EPB41L4A: variants seen among roughly 807,000 people sequenced by gnomAD.
The protein encoded by EPB41L4A is band 4.1-like protein 4A.
A neutral mutation model predicts 108.6 loss-of-function variants in EPB41L4A; 100 were observed. That is an observed-to-expected ratio of 0.92 (90% CI 0.78 to 1.09). The LOEUF is 1.09. Ranked by LOEUF, EPB41L4A falls within the 50% of genes least tolerant of loss-of-function variation. EPB41L4A has a pLI of 0.00. For synonymous variants in EPB41L4A, 319 were observed against 289.0 expected, an observed-to-expected ratio of 1.10 and a Z score of -1.05; for missense variants, 1,030 against 842.7, an observed-to-expected ratio of 1.22 and a Z score of -2.75.
chr5:112,282,102 G>A (rs781077486), intron 2 of EPB41L4A, among the ~76,000 whole-genome samples: 5 of 152,164 alleles, frequency 3.3e-5, no homozygotes, highest in African/African-American at 4.8e-5. Context: ...TGTATTTGAG[G>A]CAGAGGATGT....
intron 1 of EPB41L4A, among the ~76,000 whole-genome samples, chr5:112,351,015 A>G (rs1758008539): frequency 6.6e-6 from 1 of 152,164 alleles, no homozygotes; most frequent in South Asian, 2.1e-4. Context: ...GCTAGATCAT[A>G]TGGTAGTTCT....
chr5:112,415,803 T>C (rs1490054366), intron 1 of EPB41L4A, among the ~76,000 whole-genome samples: 1 of 152,060 alleles, frequency 6.6e-6, no homozygotes, highest in Non-Finnish European at 1.5e-5. Flanking sequence ...AACCAATAGC[T>C]CTCAGCTTAT....
chr5:112,229,610 C>T (rs995979940), intron 12 of EPB41L4A, among the ~76,000 whole-genome samples: 11 of 152,010 alleles, frequency 7.2e-5, no homozygotes, highest in Admixed American at 5.9e-4. Flanking sequence ...ATTCTTATGC[C>T]TTTGTGTCCT....
intron 1 of EPB41L4A, among the ~76,000 whole-genome samples, chr5:112,314,811 C>T (rs1205078735): frequency 6.6e-6 from 1 of 151,818 alleles, no homozygotes; most frequent in Non-Finnish European, 1.5e-5. Flanking sequence ...AAGAAAAAGA[C>T]ATGCAAATGA....
At chr5:112,342,748 C>A (rs1757396678) in intron 1 of EPB41L4A, among the ~76,000 whole-genome samples, 1 of 152,160 alleles carries the variant, frequency 6.6e-6, no homozygotes. Context: ...TCGTAGGTCA[C>A]TTTTATGCTG....
intron 1 of EPB41L4A, among the ~76,000 whole-genome samples, chr5:112,398,203 A>G (rs1449626160): frequency 6.6e-6 from 1 of 152,208 alleles, no homozygotes; most frequent in South Asian, 2.1e-4. Flanking sequence ...ATCATTCAAT[A>G]TATTAAAAAA....
chr5:112,379,134 G>T (rs1278494310), intron 1 of EPB41L4A, among the ~76,000 whole-genome samples: 2 of 152,120 alleles, frequency 1.3e-5, no homozygotes, highest in Non-Finnish European at 2.9e-5. Context: ...ACCCTGGGGG[G>T]GTCAAGCTAG....
At chr5:112,312,781 T>C (rs1183561634) in intron 1 of EPB41L4A, among the ~76,000 whole-genome samples, 3 of 152,192 alleles carry the variant, frequency 2.0e-5, no homozygotes, top group African/African-American at 4.8e-5. Context: ...CCTGCCCTTA[T>C]ACACATGGAT....
At chr5:112,281,896 G>A (rs1752987121) in intron 2 of EPB41L4A, among the ~76,000 whole-genome samples, 1 of 151,910 alleles carries the variant, frequency 6.6e-6, no homozygotes, top group Admixed American at 6.5e-5. Context: ...CTCTATTCAT[G>A]CATATATAAG....
At chr5:112,328,317 T>G (rs1561575704) in intron 1 of EPB41L4A, among the ~76,000 whole-genome samples, 1 of 151,912 alleles carries the variant, frequency 6.6e-6, no homozygotes, top group African/African-American at 2.4e-5. Flanking sequence ...ACAAAAAAAA[T>G]AAAAAATCTT....
chr5:112,298,995 C>A (rs908493749), intron 2 of EPB41L4A, among the ~76,000 whole-genome samples: 3 of 152,050 alleles, frequency 2.0e-5, no homozygotes, highest in Non-Finnish European at 2.9e-5. Flanking sequence ...TTGTAATATC[C>A]CCCATTTCAT....
chr5:112,396,147 T>C (rs1378896231), intron 1 of EPB41L4A, among the ~76,000 whole-genome samples: 1 of 152,026 alleles, frequency 6.6e-6, no homozygotes, highest in East Asian at 1.9e-4. Context: ...ATACCTAATG[T>C]AAATGACGAG....
chr5:112,169,462 A>C (rs1760449052), intron 20 of EPB41L4A, among the ~76,000 whole-genome samples: 1 of 152,180 alleles, frequency 6.6e-6, no homozygotes, highest in African/African-American at 2.4e-5. Flanking sequence ...TAATGGAAAA[A>C]GTTGGTCCGC....
At chr5:112,274,338 A>G (rs1277484748) in intron 4 of EPB41L4A, among the ~76,000 whole-genome samples, 1 of 152,172 alleles carries the variant, frequency 6.6e-6, no homozygotes, top group African/African-American at 2.4e-5. Context: ...TCAATCAATC[A>G]TTAGAGTTCA....
At chr5:112,244,080 T>C (rs1750021497) in intron 9 of EPB41L4A, among the ~76,000 whole-genome samples, 1 of 152,150 alleles carries the variant, frequency 6.6e-6, no homozygotes, top group Admixed American at 6.5e-5. Context: ...ATTTCTAGCA[T>C]TTGATTTCAA....
intron 1 of EPB41L4A, among the ~76,000 whole-genome samples, chr5:112,398,934 A>C (rs1439263079): frequency 6.6e-6 from 1 of 151,738 alleles, no homozygotes; most frequent in Non-Finnish European, 1.5e-5. Flanking sequence ...ATCCTAGAAA[A>C]AAAAAAAAAA....
At chr5:112,210,448 C>A (rs376462123) in intron 12 of EPB41L4A, among the ~76,000 whole-genome samples, 1 of 151,394 alleles carries the variant, frequency 6.6e-6, no homozygotes, top group East Asian at 1.9e-4. Flanking sequence ...ATGCAGCTGT[C>A]AAAAAAAGAG....
Position 112,348,717 on chromosome 5 carries a change from T to A in EPB41L4A, c.100-41227A>T, listed in dbSNP as rs561134725. Among the ~76,000 whole-genome samples, 12 of 152,312 alleles carry A rather than the reference T, an allele frequency of 7.9e-5. No homozygotes were observed. In the South Asian group the frequency reaches 2.5e-3, roughly 32 times the overall value. On this transcript the variant is annotated intron_variant, in intron 1 of 22. Transcript: ENST00000261486. ...CCTCAACAGTAAACTCCCAAATATC[T>A]GTTAGGGATTCCATATGTCCACTCA...
chr5:112,403,822 A>G (rs1761930057), intron 1 of EPB41L4A, among the ~76,000 whole-genome samples: 2 of 152,146 alleles, frequency 1.3e-5, no homozygotes, highest in Admixed American at 1.3e-4. Context: ...AAGTAAATTA[A>G]ATGTACCTCT....
Sources: allele counts gnomAD v4.1 joint callset (sites outside exome capture counted in the v4.1 genomes callset), GRCh38; gene constraint gnomAD v4.1.1; transcripts MANE v1.5; gene names NCBI Gene and HGNC (gene_info 2026-07-23, HGNC 2026-07-21).